NEDD4L: variants seen among roughly 807,000 people sequenced by gnomAD.
NEDD4L encodes the protein NEDD4 like E3 ubiquitin protein ligase.
A neutral mutation model predicts 148.9 loss-of-function variants in NEDD4L; 54 were observed. That is an observed-to-expected ratio of 0.36 (90% CI 0.29 to 0.45). The LOEUF (loss-of-function observed/expected upper bound fraction) is 0.45. NEDD4L is among the 20% of genes least tolerant of loss of function. The pLI is 1.00. For synonymous variants in NEDD4L, 433 were observed against 440.7 expected (o/e 0.98, Z 0.22); for missense variants, 856 against 1,233.8 (o/e 0.69, Z 4.59).
At chr18:58,130,797 T>G (rs1464781832) in intron 1 of NEDD4L, among the ~76,000 whole-genome samples, 7 of 145,666 alleles carry the variant, frequency 4.8e-5, no homozygotes, top group Non-Finnish European at 8.9e-5. Context: ...TGGATTTGGT[T>G]GGTTGTGATC....
At chr18:58,067,957 C>A (rs541086260) in intron 1 of NEDD4L, among the ~76,000 whole-genome samples, 7 of 152,118 alleles carry the variant, frequency 4.6e-5, no homozygotes, top group Admixed American at 1.3e-4. Context: ...AGAAGGGGTA[C>A]AGATTTTTTT....
chr18:58,092,911 A>C (rs1042981587), intron 1 of NEDD4L, among the ~76,000 whole-genome samples: 1 of 141,050 alleles, frequency 7.1e-6, no homozygotes. Context: ...CCCAGGCTGG[A>C]GTGCAGTGGC....
intron 5 of NEDD4L, among the ~76,000 whole-genome samples, chr18:58,282,147 C>T (rs2053236670): frequency 6.6e-6 from 1 of 151,266 alleles, no homozygotes. Context: ...GCAAAGGTCT[C>T]TCTGAGTTTC....
rs1332105641 is a variant in NEDD4L, at chr18:58,332,936, CT to C, written c.991-881del. Among the ~76,000 whole-genome samples the C allele has an allele frequency of 4.6e-5, 7 of 151,886 alleles. No homozygotes were observed. In the East Asian group the frequency reaches 1.4e-3, roughly 29 times the overall value. On this transcript the variant is annotated intron_variant, in intron 11 of 30. Coordinates refer to ENST00000400345, the MANE Select transcript of NEDD4L (RefSeq NM_001144967.3). Reference sequence around the variant, plus strand: ...AGTAGATCTTTTTTTTTAGCTTGATCTCACTATTTTTAATCATTCCTGTCTT... The same window carrying C: ...AGTAGATCTTTTTTTTTAGCTTGATCCACTATTTTTAATCATTCCTGTCTT...
intron 1 of NEDD4L, among the ~76,000 whole-genome samples, chr18:58,084,219 G>A (rs938597146): frequency 7.2e-5 from 11 of 152,108 alleles, no homozygotes; most frequent in African/African-American, 2.4e-4. Context: ...CCACAGAGAC[G>A]GAAAGTAGAT....
intron 26 of NEDD4L, among the ~76,000 whole-genome samples, chr18:58,386,297 C>G (rs1049230113): frequency 1.3e-5 from 2 of 152,114 alleles, no homozygotes; most frequent in Non-Finnish European, 2.9e-5. Context: ...ATGATCCACC[C>G]GCCCCGGCCT....
intron 24 of NEDD4L, among the ~76,000 whole-genome samples, chr18:58,378,106 G>T (rs540032750): frequency 6.6e-6 from 1 of 152,290 alleles, no homozygotes; most frequent in Admixed American, 6.5e-5. Flanking sequence ...GTTGGAGGGA[G>T]ACCATGGGCA....
intron 1 of NEDD4L, among the ~76,000 whole-genome samples, chr18:58,146,443 G>A (rs1423006829): frequency 1.3e-5 from 2 of 152,124 alleles, no homozygotes; most frequent in African/African-American, 2.4e-5. Context: ...GGCAACCCAG[G>A]TTCCATGCCA....
intron 16 of NEDD4L, among the ~76,000 whole-genome samples, chr18:58,348,830 T>A (rs925417209): frequency 6.6e-6 from 1 of 152,196 alleles, no homozygotes; most frequent in Admixed American, 6.5e-5. Flanking sequence ...AGAGTACATA[T>A]TTCTCTTTTG....
At chr18:58,190,136 A>G (rs1319584054) in intron 2 of NEDD4L, among the ~76,000 whole-genome samples, 1 of 152,232 alleles carries the variant, frequency 6.6e-6, no homozygotes, top group Non-Finnish European at 1.5e-5. Context: ...TCTTCAATTA[A>G]CATATTGTTC....
intron 5 of NEDD4L, among the ~76,000 whole-genome samples, chr18:58,277,269 G>A (rs144883109): frequency 0.011 from 1,662 of 152,036 alleles, 11 homozygotes; most frequent in Middle Eastern, 0.02. Context: ...ATGCTCTGCT[G>A]AAAACATAAG....
rs4149604 is a variant in NEDD4L, at chr18:58,194,013, C to T, written c.122+28152C>T. 1,145 of 152,324 alleles carry T rather than the reference C, an allele frequency of 7.5e-3. 8 individuals are homozygous for T. Among genetic ancestry groups the T allele is most frequent in the Middle Eastern group, 0.027 (8 of 294 alleles). The allele number at this position is 152,324 out of a possible 1,614,324, so 9.4% of individuals were successfully genotyped here. ...TGTTGTGAATTTCATTCTGTGTCAC[C>T]GCATCACGCGAGGTGGGTAGGGAAG... On this transcript the variant is annotated intron_variant, in intron 2 of 30. Coordinates refer to ENST00000400345, the MANE Select transcript of NEDD4L (RefSeq NM_001144967.3).
In NEDD4L at chr18:58,370,557, C is replaced by T. The variant is rs77842484; in HGVS notation, c.2256+90C>T. 391 of 814,342 alleles carry T rather than the reference C, an allele frequency of 4.8e-4. 2 individuals carry two copies. The African/African-American group carries it at 6.0e-3, about 12-fold the overall frequency. 50.4% of individuals were successfully genotyped at this position (814,342 alleles called of 1,614,324 possible). Reference sequence around the variant, plus strand: ...AGAGCCATATTTGTAGTCTCAGCCACTTTTATGGGTGTTGCATTCCATGTG... The same window carrying T: ...AGAGCCATATTTGTAGTCTCAGCCATTTTTATGGGTGTTGCATTCCATGTG... On this transcript the variant is annotated intron_variant, in intron 23 of 30. Coordinates refer to ENST00000400345, the MANE Select transcript of NEDD4L (RefSeq NM_001144967.3).
At chr18:58,194,096 A>T (rs987727469) in intron 2 of NEDD4L, 1 of 152,300 alleles carries the variant, frequency 6.6e-6, no homozygotes, top group Non-Finnish European at 1.5e-5. Context: ...GTGGGAAAGA[A>T]TGAAGGTTGG....
intron 1 of NEDD4L, among the ~76,000 whole-genome samples, chr18:58,149,049 C>T (rs907060878): frequency 4.6e-5 from 7 of 152,162 alleles, no homozygotes; most frequent in Admixed American, 2.0e-4. Context: ...TGCTCACAGC[C>T]AGCTGTCTGA....
chr18:58,340,322 C>A (rs1026821996), intron 13 of NEDD4L, among the ~76,000 whole-genome samples: 2 of 152,212 alleles, frequency 1.3e-5, no homozygotes, highest in African/African-American at 4.8e-5. Flanking sequence ...CTATGCGGGG[C>A]AGGTCTCTAA....
At chr18:58,344,256 G>A (rs540544084) in intron 16 of NEDD4L, among the ~76,000 whole-genome samples, 6 of 152,316 alleles carry the variant, frequency 3.9e-5, no homozygotes, top group African/African-American at 1.4e-4. Flanking sequence ...TGCCCATTGT[G>A]TGGTATCAGT....
intron 5 of NEDD4L, among the ~76,000 whole-genome samples, chr18:58,272,579 G>A (rs2051206066): frequency 6.6e-6 from 1 of 151,634 alleles, no homozygotes; most frequent in South Asian, 2.1e-4. Context: ...GCTGTGAGCT[G>A]TGATTACACC....
chr18:58,346,566 T>C (rs980826140), intron 16 of NEDD4L, among the ~76,000 whole-genome samples: 4 of 152,240 alleles, frequency 2.6e-5, no homozygotes, highest in Non-Finnish European at 4.4e-5. Context: ...GTGTGGTTGC[T>C]GGTCTCTTCC....
Sources: gnomAD v4.1 joint callset for allele counts (sites outside exome capture counted in the v4.1 genomes callset) on GRCh38, gnomAD v4.1.1 for gene constraint, MANE v1.5 for transcripts, NCBI Gene and HGNC (gene_info 2026-07-23, HGNC 2026-07-21) for gene names.